Variants in ZNF718 observed in about 807,000 individuals in gnomAD.
ZNF718 encodes zinc finger protein 718.
Under a neutral mutation model 2.6 loss-of-function variants are expected in ZNF718, and 3 were observed. The ratio of observed to expected loss-of-function variants is 1.16; its 90% CI spans 0.53 to 3.01. The LOEUF is 3.01. Ranked by LOEUF, ZNF718 falls within the 30% of genes most tolerant of loss-of-function variation. The probability of loss-of-function intolerance (pLI) is 0.03; values close to 1 mark genes in which losing one functional copy is unlikely to be tolerated. For missense variants in ZNF718, 468 were observed against 230.0 expected (o/e 2.03, Z -6.69); for synonymous variants, 135 against 77.9 (o/e 1.73, Z -3.86).
downstream of ZNF718, among the ~76,000 whole-genome samples, chr4:164,291 AG>A (rs1553816337): frequency 6.6e-6 from 1 of 152,112 alleles, no homozygotes; most frequent in African/African-American, 2.4e-5. Flanking sequence ...TTGTAGACCA[AG>A]CAATTGTGTT....
chr4:146,276 G>A (rs1166816908), intron 3 of ZNF718, among the ~76,000 whole-genome samples: 2 of 151,812 alleles, frequency 1.3e-5, no homozygotes, highest in African/African-American at 4.8e-5. Flanking sequence ...ATTTGTAAAG[G>A]ACAGTTTTGT....
chr4:161,286 T>G lies in ZNF718; in HGVS notation c.601T>G (p.Cys201Gly), dbSNP rs1553815037. 2 of 782,130 alleles carry G rather than the reference T, an allele frequency of 2.6e-6. No individual in the cohort carries two copies. Among genetic ancestry groups the G allele is most frequent in the Non-Finnish European group, 4.8e-6 (2 of 419,466 alleles). The allele number at this position is 782,130 out of a possible 1,614,324, so 48.4% of individuals were successfully genotyped here. A position where few individuals can be genotyped will look rare whatever the true frequency, so the allele number is the denominator to read the frequency against. The stretch of plus-strand genomic sequence containing the variant: ...TCATACTGGAGAGAACCCCTACACA[T>G]GTGAAGAATGTGGCAAAGCCTTTAA... ...RIHTGENPYTCEECGKAFNWS... is the reference protein window; with the variant it reads ...RIHTGENPYTGEECGKAFNWS... The change falls in exon 4 of 4, where the codon TGT becomes GGT. Residue 201 changes from cysteine to glycine, a missense_variant. Transcript: ENST00000510175.
At chr4:125,694 G>A (rs1715178517) in intron 1 of ZNF718, among the ~76,000 whole-genome samples, 1 of 152,174 alleles carries the variant, frequency 6.6e-6, no homozygotes, top group Admixed American at 6.5e-5. Flanking sequence ...GGAACTTAGA[G>A]GAAAGCAGTT....
Position 139,521 on chromosome 4 carries a change from G to A in ZNF718, c.226+8016G>A, listed in dbSNP as rs185849550. The stretch of plus-strand genomic sequence containing the variant: ...TCTCCATTTACATAGGGCATACTAG[G>A]GGGTATTTAAACTCCCAAAAATTCT... On this transcript the variant is annotated intron_variant, in intron 3 of 3. Coordinates refer to ENST00000510175, the MANE Select transcript of ZNF718 (RefSeq NM_001039127.6). Among the ~76,000 whole-genome samples the A allele has an allele frequency of 4.9e-3, 744 of 152,286 alleles. 2 individuals are homozygous for A. The highest frequency in any genetic ancestry group is 6.3e-3 in the Admixed American group (96 of 15,296).
At chr4:124,768 C>A in intron 1 of ZNF718, 95 bp downstream of exon 1, 1 of 1,531,018 alleles carries the variant, frequency 6.5e-7, no homozygotes, top group Non-Finnish European at 8.9e-7. Context: ...AATGGAGTTC[C>A]CGCTCAGCCC....
At chr4:164,331 A>C (rs6815869), downstream of ZNF718, among the ~76,000 whole-genome samples, 6,649 of 152,104 alleles carry the variant, frequency 0.044, 369 homozygotes, top group African/African-American at 0.13. Flanking sequence ...TTCCAAAGAA[A>C]ATAGCAACAT....
chr4:126,331 G>A (rs1715218723), intron 1 of ZNF718, among the ~76,000 whole-genome samples: 1 of 152,134 alleles, frequency 6.6e-6, no homozygotes, highest in Non-Finnish European at 1.5e-5. Flanking sequence ...GCATTTAGGT[G>A]GAAAATTTTT....
At chr4:153,182 T>TTTCAC (rs1205680859) in intron 3 of ZNF718, among the ~76,000 whole-genome samples, 1 of 97,546 alleles carries the variant, frequency 1.0e-5, no homozygotes, top group Non-Finnish European at 2.3e-5. Flanking sequence ...AAAGACTCTC[T>TTTCAC]TTCTCCAATG....
At chr4:141,734 A>G (rs183568599) in intron 3 of ZNF718, among the ~76,000 whole-genome samples, 1,794 of 152,360 alleles carry the variant, frequency 0.012, 16 homozygotes, top group Middle Eastern at 0.037. Flanking sequence ...TTATTATGTT[A>G]TTATAAACTG....
chr4:146,077 C>CTATA lies in ZNF718; in HGVS notation c.226+14592_226+14595dup, dbSNP rs5742061. On this transcript the variant is annotated intron_variant, in intron 3 of 3. Coordinates refer to ENST00000510175, the MANE Select transcript of ZNF718 (RefSeq NM_001039127.6). ...GCACCATAATTAGTGATATAGCCTTCTATATATATATATATATATATATGT... is the reference window on the plus strand; with the variant it reads ...GCACCATAATTAGTGATATAGCCTTCTATATATATATATATATATATATATATGT... Among the ~76,000 whole-genome samples, 648 of 143,054 alleles carry CTATA rather than the reference C, an allele frequency of 4.5e-3. 6 individuals are homozygous for CTATA. Among genetic ancestry groups the CTATA allele is most frequent in the African/African-American group, 0.012 (474 of 39,108 alleles). 93.8% of individuals were successfully genotyped at this position (143,054 alleles called of 152,430 possible). A position where few individuals can be genotyped will look rare whatever the true frequency, so the allele number is the denominator to read the frequency against.
chr4:124,660 G>C lies in ZNF718; in HGVS notation c.-11G>C. ...GTATCTAAGACTCTGGGACACTCCT[G>C]AAGTCGGGAAATGGTGAGTGTGCAG... On this transcript the variant is annotated 5_prime_UTR_variant, in exon 1 of 4. Coordinates refer to ENST00000510175, the MANE Select transcript of ZNF718 (RefSeq NM_001039127.6). 1 of 1,608,870 alleles carries C rather than the reference G, an allele frequency of 6.2e-7. No homozygotes were observed. Among genetic ancestry groups the C allele is most frequent in the Non-Finnish European group, 8.5e-7 (1 of 1,179,740 alleles).
intron 3 of ZNF718, among the ~76,000 whole-genome samples, chr4:135,699 C>A (rs1229507860): frequency 2.0e-4 from 10 of 50,478 alleles, no homozygotes; most frequent in Admixed American, 3.2e-4. Flanking sequence ...TTAATGAATG[C>A]ATTTATTGAG....
Position 162,030 on chromosome 4 carries a change from A to G in ZNF718, c.1345A>G (p.Lys449Glu). Residue 449 changes from lysine (K) to glutamate (E), a missense_variant, in exon 4 of 4, where the codon AAA becomes GAA. Physicochemically the swap from Lys to Glu is moderately conservative, Grantham distance 56 (BLOSUM62 1). Coordinates refer to ENST00000510175, the MANE Select transcript of ZNF718 (RefSeq NM_001039127.6). ...ACATAAGAAAATTCACACTGTAGAT[A>G]AACCCTACAAATGTAAAGAATGCGG... ...NKHKKIHTVD[K>E]PYKCKECGKA... is the part of the protein sequence containing the mutation. 1 of 777,916 alleles carries G rather than the reference A, an allele frequency of 1.3e-6. No homozygotes were observed. The highest frequency in any genetic ancestry group is 1.3e-5 in the South Asian group (1 of 74,322). The allele number at this position is 777,916 out of a possible 1,614,324, so 48.2% of individuals were successfully genotyped here.
At chr4:147,379 G>C (rs536072973) in intron 3 of ZNF718, among the ~76,000 whole-genome samples, 27 of 152,238 alleles carry the variant, frequency 1.8e-4, no homozygotes, top group African/African-American at 4.8e-4. Flanking sequence ...ACTAGTTTGG[G>C]GAGGTAAATA....
In ZNF718 at chr4:161,251, A is replaced by G; in HGVS notation, c.566A>G (p.His189Arg). 6 of 778,502 alleles carry G rather than the reference A, an allele frequency of 7.7e-6. No individual in the cohort carries two copies. Among genetic ancestry groups the G allele is most frequent in the Non-Finnish European group, 1.4e-5 (6 of 418,214 alleles). 48.2% of individuals were successfully genotyped at this position (778,502 alleles called of 1,614,324 possible). Residue 189 changes from histidine to arginine, a missense_variant, in exon 4 of 4, where the codon CAC (histidine) becomes CGC (arginine). By Grantham distance (29) the His-to-Arg change is conservative. Coordinates refer to ENST00000510175, the MANE Select transcript of ZNF718 (RefSeq NM_001039127.6). ...CACGTGCTCTCACGCCTAACTCAAC[A>G]CAAAAGAATTCATACTGGAGAGAAC... The part of the protein sequence containing the change: ...SFHVLSRLTQ[H>R]KRIHTGENPY...
intron 3 of ZNF718, among the ~76,000 whole-genome samples, chr4:153,685 G>A (rs1716438693): frequency 6.6e-6 from 1 of 152,024 alleles, no homozygotes; most frequent in African/African-American, 2.4e-5. Context: ...AATTCAACAT[G>A]CATTTGTGAT....
At chr4:136,519 C>T (rs1035840630) in intron 3 of ZNF718, 5 of 519,496 alleles carry the variant, frequency 9.6e-6, no homozygotes, top group African/African-American at 1.9e-5. Context: ...TATCTGCAGC[C>T]ATGTCTATGG....
intron 3 of ZNF718, among the ~76,000 whole-genome samples, chr4:174,086 A>G (rs889193124): frequency 3.3e-5 from 5 of 152,144 alleles, no homozygotes; most frequent in South Asian, 2.1e-4. Flanking sequence ...AGCTATTTAG[A>G]TAAATTCCTC....
At chr4:148,633 A>AT (rs1438664664) in intron 3 of ZNF718, among the ~76,000 whole-genome samples, 5 of 148,030 alleles carry the variant, frequency 3.4e-5, no homozygotes, top group African/African-American at 9.9e-5. Flanking sequence ...AAAAAAAAAA[A>AT]TCCACCATTG....
Sources: gnomAD v4.1 joint callset for allele counts (sites outside exome capture counted in the v4.1 genomes callset) on GRCh38, gnomAD v4.1.1 for gene constraint, MANE v1.5 for transcripts, NCBI Gene and HGNC (gene_info 2026-07-23, HGNC 2026-07-21) for gene names.